C12orf42: variants seen among roughly 807,000 people sequenced by gnomAD.
C12orf42 encodes the protein chromosome 12 open reading frame 42.
A neutral mutation model predicts 21.6 loss-of-function variants in C12orf42; 25 were observed. The observed-to-expected ratio is 1.16, with a 90% CI of 0.84 to 1.62. C12orf42 has a LOEUF of 1.62. Ranked by LOEUF, C12orf42 falls within the 40% of genes most tolerant of loss-of-function variation. C12orf42 has a pLI of 0.00. For synonymous variants in C12orf42, 174 were observed against 175.0 expected (o/e 0.99, Z 0.05); for missense variants, 483 against 459.3 (o/e 1.05, Z -0.47).
the C12orf42 span, among the ~76,000 whole-genome samples, chr12:103,543,028 A>T: frequency 1.3e-5 from 2 of 152,222 alleles, no homozygotes; most frequent in African/African-American, 4.8e-5. Flanking sequence ...GACACTCAAG[A>T]GGACTGCCCA....
chr12:103,081,405 T>C, the C12orf42 span: 9 of 152,212 alleles, frequency 5.9e-5, no homozygotes, highest in African/African-American at 2.2e-4. Context: ...TTTGGGTCTT[T>C]CTTCATAGAG....
chr12:103,368,935 AATTCT>A lies in C12orf42; in HGVS notation c.206_210del (p.Lys69IlefsTer3), dbSNP rs1372100437. On this transcript the variant is annotated frameshift_variant, in exon 4 of 6. Transcript: ENST00000548883. LOFTEE classifies it high-confidence loss of function. ...CTACGAAATTTAGGAGATTCAGAGA[AATTCT>A]TCATGTGATTAATGAATCTGGAGCA... 1 of 1,599,340 alleles carries A rather than the reference AATTCT, an allele frequency of 6.3e-7. No homozygotes were observed. Among genetic ancestry groups the A allele is most frequent in the Non-Finnish European group, 8.5e-7 (1 of 1,171,320 alleles).
At chr12:103,085,525 T>C in the C12orf42 span, among the ~76,000 whole-genome samples, 1 of 151,824 alleles carries the variant, frequency 6.6e-6, no homozygotes, top group Admixed American at 6.6e-5. Context: ...TGCTGCAAAA[T>C]TATTCGAATG....
the C12orf42 span, among the ~76,000 whole-genome samples, chr12:103,519,634 C>T: frequency 1.3e-5 from 2 of 152,034 alleles, no homozygotes; most frequent in Non-Finnish European, 1.5e-5. Flanking sequence ...CAGGCCCATA[C>T]AGAAAAAAAC....
chr12:103,474,036 T>C (rs533845170), intron 2 of C12orf42, among the ~76,000 whole-genome samples: 325 of 152,298 alleles, frequency 2.1e-3, no homozygotes, highest in Non-Finnish European at 3.4e-3. Flanking sequence ...TTTTGGTTCA[T>C]TGTTTAGAGT....
chr12:103,507,869 C>G, the C12orf42 span, among the ~76,000 whole-genome samples: 1 of 152,138 alleles, frequency 6.6e-6, no homozygotes, highest in African/African-American at 2.4e-5. Context: ...AACCCCAGCT[C>G]TCCCATCAGA....
the C12orf42 span, among the ~76,000 whole-genome samples, chr12:103,053,404 T>C: frequency 6.6e-6 from 1 of 152,016 alleles, no homozygotes; most frequent in Non-Finnish European, 1.5e-5. Context: ...CTTATATAAA[T>C]AAAATGTCTG....
chr12:103,317,191 G>A (rs2039595376), intron 4 of C12orf42, among the ~76,000 whole-genome samples: 2 of 152,230 alleles, frequency 1.3e-5, no homozygotes, highest in Admixed American at 1.3e-4. Flanking sequence ...GCTACAAGAG[G>A]AAGAGGCATT....
At chr12:103,226,142 AG>A in the C12orf42 span, among the ~76,000 whole-genome samples, 1 of 152,180 alleles carries the variant, frequency 6.6e-6, no homozygotes, top group African/African-American at 2.4e-5. Context: ...CAGCACTTGT[AG>A]CAAGCTCCTG....
the C12orf42 span, among the ~76,000 whole-genome samples, chr12:103,508,343 C>T: frequency 6.6e-6 from 1 of 152,074 alleles, no homozygotes; most frequent in Non-Finnish European, 1.5e-5. Context: ...ACATGAGATC[C>T]ATAGAGAAAT....
chr12:103,278,135 T>C (rs867302120), intron 4 of C12orf42, among the ~76,000 whole-genome samples: 1 of 152,098 alleles, frequency 6.6e-6, no homozygotes, highest in African/African-American at 2.4e-5. Flanking sequence ...AACAAACTGA[T>C]TCAAAAATGA....
chr12:103,071,578 G>A, the C12orf42 span, among the ~76,000 whole-genome samples: 1 of 152,092 alleles, frequency 6.6e-6, no homozygotes, highest in Non-Finnish European at 1.5e-5. Context: ...AATCATGGGG[G>A]CGGTTTTTCC....
the C12orf42 span, among the ~76,000 whole-genome samples, chr12:103,516,833 T>C: frequency 8.5e-5 from 13 of 152,086 alleles, no homozygotes; most frequent in Admixed American, 4.6e-4. Context: ...ACAAAAGCAA[T>C]AAGAAAACAT....
At chr12:103,483,658 T>A (rs1420196844) in intron 1 of C12orf42, among the ~76,000 whole-genome samples, 3 of 152,132 alleles carry the variant, frequency 2.0e-5, no homozygotes, top group Middle Eastern at 3.2e-3. Context: ...TTATTTTTCT[T>A]TTTTTTCTTT....
the C12orf42 span, among the ~76,000 whole-genome samples, chr12:103,529,020 A>G: frequency 4.6e-4 from 70 of 152,108 alleles, no homozygotes; most frequent in African/African-American, 1.5e-3. Flanking sequence ...CTACCATTCA[A>G]TGTTTCCAAA....
At chr12:103,558,985 G>C in the C12orf42 span, 1 of 152,168 alleles carries the variant, frequency 6.6e-6, no homozygotes, top group African/African-American at 2.4e-5. Flanking sequence ...AACCTGGGTT[G>C]TTCAAACCCT....
At chr12:103,124,077 GA>G in the C12orf42 span, among the ~76,000 whole-genome samples, 2 of 145,072 alleles carry the variant, frequency 1.4e-5, no homozygotes, top group Non-Finnish European at 3.0e-5. Context: ...TCTGTATCAA[GA>G]ATGTAATTCA....
intron 10 of C12orf42, among the ~76,000 whole-genome samples, chr12:103,260,755 GTTTTTGC>G (rs2034856800): frequency 2.6e-5 from 4 of 152,274 alleles, no homozygotes; most frequent in African/African-American, 9.6e-5. Context: ...ATGCATATCT[GTTTTTGC>G]ATAGTTTATC....
chr12:103,275,620 C>A (rs1318852793), intron 5 of C12orf42, among the ~76,000 whole-genome samples: 2 of 151,916 alleles, frequency 1.3e-5, no homozygotes, highest in Non-Finnish European at 2.9e-5. Flanking sequence ...TAAGGAAGGG[C>A]ATATAAATAG....
Sources: allele counts gnomAD v4.1 joint callset (sites outside exome capture counted in the v4.1 genomes callset), GRCh38; gene constraint gnomAD v4.1.1; transcripts MANE v1.5; gene names NCBI Gene and HGNC (gene_info 2026-07-23, HGNC 2026-07-21).